Variants in PRKCE observed in about 807,000 individuals in gnomAD.
The protein encoded by PRKCE is protein kinase C epsilon.
In PRKCE, 16 loss-of-function variants were observed where a neutral mutation model predicts 85.4. The ratio of observed to expected loss-of-function variants is 0.19; its 90% CI spans 0.13 to 0.28. The LOEUF is 0.28. Among genes scored for constraint, PRKCE ranks in the 10% least tolerant of loss-of-function variants. The pLI, the probability that PRKCE is intolerant of heterozygous loss-of-function variation, is 1.00. For missense variants in PRKCE, 573 were observed against 975.2 expected (o/e 0.59, Z 5.49); for synonymous variants, 388 against 371.5 (o/e 1.04, Z -0.51).
intron 2 of PRKCE, among the ~76,000 whole-genome samples, chr2:45,934,375 A>G (rs964702055): frequency 1.3e-5 from 2 of 152,234 alleles, no homozygotes; most frequent in Non-Finnish European, 2.9e-5. Context: ...TTGGCCAGGC[A>G]TGGTCACTCA....
chr2:46,004,250 A>G lies in PRKCE; in HGVS notation c.967-292A>G, dbSNP rs532166918. 4 of 382,540 alleles carry G rather than the reference A, an allele frequency of 1.0e-5. No homozygotes were observed. Among genetic ancestry groups the G allele is most frequent in the South Asian group, 2.2e-5 (1 of 44,784 alleles). The allele number at this position is 382,540 out of a possible 1,614,324, so 23.7% of individuals were successfully genotyped here. A position where few individuals can be genotyped will look rare whatever the true frequency, so the allele number is the denominator to read the frequency against. On this transcript the variant is annotated intron_variant, in intron 7 of 14. Transcript: ENST00000306156. This position sits in a 1 kb window ranked among gnomAD's most constrained non-coding sequence, Gnocchi z 4.1. ...CCTTTTGGATGGGGTTGGATCAAAC[A>G]TTGTACCTCTGTCTCAGCTCTTTGG...
intron 3 of PRKCE, among the ~76,000 whole-genome samples, chr2:45,977,638 TAA>T (rs5830884): frequency 4.8e-4 from 68 of 142,432 alleles, no homozygotes; most frequent in Admixed American, 1.9e-3. Context: ...GACTCTGTCT[TAA>T]AAAAAAAAAA....
intron 1 of PRKCE, among the ~76,000 whole-genome samples, chr2:45,731,650 G>T (rs916341683): frequency 1.4e-5 from 2 of 138,902 alleles, no homozygotes; most frequent in East Asian, 2.0e-4. Flanking sequence ...TTGAGGCAGG[G>T]TCTCACTCTG....
In PRKCE at chr2:46,185,807, G is replaced by A. The variant is rs1215457116; in HGVS notation, c.*926G>A. 6.6e-6 allele frequency: 1 copy of A among 152,170 alleles called. No individual in the cohort carries two copies. Among genetic ancestry groups the A allele is most frequent in the Non-Finnish European group, 1.5e-5 (1 of 68,046 alleles). 9.4% of individuals were successfully genotyped at this position (152,170 alleles called of 1,614,324 possible). On this transcript the variant is annotated 3_prime_UTR_variant, in exon 15 of 15. Transcript: ENST00000306156. The surrounding 1 kb of genome is among the most constrained non-coding windows in gnomAD (Gnocchi z 4.7). ...TGGACACAAAGGCGAGGACCCTGGG[G>A]TTCCAACAAAGCTCAGCTCCCAGAT... is the stretch of plus-strand genomic sequence containing the variant.
At chr2:45,846,677 G>C (rs1315509761) in intron 2 of PRKCE, among the ~76,000 whole-genome samples, 1 of 152,190 alleles carries the variant, frequency 6.6e-6, no homozygotes, top group Non-Finnish European at 1.5e-5. Context: ...TTCTCTGTGG[G>C]ACTCAACAGA....
chr2:45,781,760 G>A (rs1225588251), intron 1 of PRKCE, among the ~76,000 whole-genome samples: 5 of 151,846 alleles, frequency 3.3e-5, no homozygotes, highest in Non-Finnish European at 5.9e-5. Context: ...ATTCAAAATA[G>A]CTTCTCATTA....
chr2:46,176,060 C>T (rs1679391854), intron 14 of PRKCE, among the ~76,000 whole-genome samples: 1 of 152,052 alleles, frequency 6.6e-6, no homozygotes, highest in African/African-American at 2.4e-5. Context: ...GGTTTTTATG[C>T]ACAGCCAGGA....
At chr2:45,997,805 C>G (rs1433767605) in intron 6 of PRKCE, among the ~76,000 whole-genome samples, 1 of 152,178 alleles carries the variant, frequency 6.6e-6, no homozygotes, top group African/African-American at 2.4e-5. Flanking sequence ...CCTTGGCCTC[C>G]CAAAGTGCTG....
intron 1 of PRKCE, among the ~76,000 whole-genome samples, chr2:45,794,022 G>C (rs1687223395): frequency 2.0e-5 from 3 of 152,282 alleles, no homozygotes. Flanking sequence ...GTATGATTCG[G>C]ATTAGCCCTA....
chr2:45,824,932 G>T (rs1043422517), intron 1 of PRKCE, among the ~76,000 whole-genome samples: 2 of 152,212 alleles, frequency 1.3e-5, no homozygotes, highest in African/African-American at 4.8e-5. Flanking sequence ...CAAGAAAGCT[G>T]CAGTCAGGGC....
At chr2:45,888,281 C>T (rs148455699) in intron 2 of PRKCE, among the ~76,000 whole-genome samples, 170 of 152,258 alleles carry the variant, frequency 1.1e-3, no homozygotes, top group African/African-American at 3.9e-3. Context: ...TCTAGTCTCA[C>T]TGTGTATTAT....
At chr2:46,071,976 C>T (rs983145689) in intron 10 of PRKCE, among the ~76,000 whole-genome samples, 2 of 152,178 alleles carry the variant, frequency 1.3e-5, no homozygotes, top group South Asian at 2.1e-4. Flanking sequence ...TAAACACACG[C>T]GGGAATTCAG....
intron 2 of PRKCE, among the ~76,000 whole-genome samples, chr2:45,848,855 G>A (rs1173968457): frequency 2.0e-5 from 3 of 152,166 alleles, no homozygotes; most frequent in South Asian, 2.1e-4. Context: ...GGAATAAGTC[G>A]GGACCAGAAT....
At chr2:45,731,397 A>C (rs538429343) in intron 1 of PRKCE, among the ~76,000 whole-genome samples, 3 of 152,308 alleles carry the variant, frequency 2.0e-5, no homozygotes, top group South Asian at 4.1e-4. Flanking sequence ...GAGAGATGCC[A>C]AAAAAGAAGT....
intron 1 of PRKCE, among the ~76,000 whole-genome samples, chr2:45,792,889 C>T (rs958893059): frequency 6.6e-6 from 1 of 152,178 alleles, no homozygotes; most frequent in Non-Finnish European, 1.5e-5. Flanking sequence ...ACCTCTGTCT[C>T]CCGGGTTCAG....
chr2:45,762,111 G>A (rs945313631), intron 1 of PRKCE, among the ~76,000 whole-genome samples: 13 of 152,066 alleles, frequency 8.5e-5, no homozygotes, highest in South Asian at 2.1e-4. Flanking sequence ...CCATTTTATC[G>A]TATCAAAAAT....
chr2:46,066,742 G>GCTTCACAGA (rs1486617102), intron 10 of PRKCE, among the ~76,000 whole-genome samples: 1 of 152,184 alleles, frequency 6.6e-6, no homozygotes, highest in African/African-American at 2.4e-5. Context: ...TATGTCCTGG[G>GCTTCACAGA]CTTCACAGAC....
chr2:45,933,432 A>G (rs540536139), intron 2 of PRKCE, among the ~76,000 whole-genome samples: 1 of 133,058 alleles, frequency 7.5e-6, no homozygotes, highest in South Asian at 2.5e-4. Context: ...TTCTTCCAAA[A>G]GTTTTGTTTT....
chr2:46,023,733 GAAT>G (rs1408356086), intron 10 of PRKCE, among the ~76,000 whole-genome samples: 3 of 152,148 alleles, frequency 2.0e-5, no homozygotes, highest in Non-Finnish European at 4.4e-5. Flanking sequence ...CGGTTCCAGT[GAAT>G]AATAACTTGG....
Sources: allele counts gnomAD v4.1 joint callset (sites outside exome capture counted in the v4.1 genomes callset), GRCh38; gene constraint gnomAD v4.1.1; non-coding constraint Gnocchi (gnomAD v3.1); transcripts MANE v1.5; gene names NCBI Gene and HGNC (gene_info 2026-07-23, HGNC 2026-07-21).